The following TMEM144 variants were observed in gnomAD, a reference collection of about 807,000 sequenced individuals.
The protein encoded by TMEM144 is transmembrane protein 144.
Under a neutral mutation model 43.6 loss-of-function variants are expected in TMEM144, and 39 were observed. That is an observed-to-expected ratio of 0.90 (90% CI 0.69 to 1.17). The LOEUF (loss-of-function observed/expected upper bound fraction) is 1.17. Among genes scored for constraint, TMEM144 ranks in the 50% most tolerant of loss-of-function variants. The probability of loss-of-function intolerance (pLI) is 0.00; values close to 1 mark genes in which losing one functional copy is unlikely to be tolerated. For missense variants in TMEM144, 417 were observed against 411.9 expected (o/e 1.01, Z -0.11); for synonymous variants, 154 against 133.6 (o/e 1.15, Z -1.06).
Position 158,240,386 on chromosome 4 carries a change from G to A in TMEM144, c.770G>A (p.Ser257Asn). 6.2e-7 allele frequency: 1 copy of A among 1,613,568 alleles called. No homozygotes were observed. The highest frequency in any genetic ancestry group is 8.5e-7 in the Non-Finnish European group (1 of 1,179,820). ...GCCTACTGCATAGCCATGAAAAATA[G>A]TCCTAAACTATATCCTGAAGCAGTC... Reference protein sequence around the residue: ...FLAYCIAMKNSPKLYPEAVLP... With the variant: ...FLAYCIAMKNNPKLYPEAVLP... Residue 257 changes from serine to asparagine, a missense_variant, in exon 10 of 13, where the codon AGT becomes AAT. By Grantham distance (46) the Ser-to-Asn change is conservative. Transcript: ENST00000296529.
chr4:158,229,314 C>A (rs1003890529), intron 6 of TMEM144, among the ~76,000 whole-genome samples: 1 of 152,154 alleles, frequency 6.6e-6, no homozygotes. Context: ...GGTTTGCTCC[C>A]GCGCTTAGAG....
intron 3 of TMEM144, chr4:158,213,694 T>C (rs1163520183): frequency 6.6e-6 from 1 of 152,226 alleles, no homozygotes; most frequent in East Asian, 1.9e-4. Context: ...AGATTTATGG[T>C]GAACACATGT....
chr4:158,230,459 G>C (rs1271239076), intron 6 of TMEM144, among the ~76,000 whole-genome samples: 1 of 152,060 alleles, frequency 6.6e-6, no homozygotes, highest in African/African-American at 2.4e-5. Flanking sequence ...TAGCTTTCAA[G>C]TGTTTTCTAA....
In TMEM144 at chr4:158,217,338, C is replaced by T. The variant is rs771026324; in HGVS notation, c.250C>T (p.Pro84Ser). 3 of 1,611,618 alleles carry T rather than the reference C, an allele frequency of 1.9e-6. No individual in the cohort carries two copies. Among genetic ancestry groups the T allele is most frequent in the East Asian group, 2.2e-5 (1 of 44,770 alleles). Reference sequence around the variant, plus strand: ...ATCTACAGGGAACATTGCTGTTGTCCCAATTATCAAAACCATTGGTTTAGG... The same window carrying T: ...ATCTACAGGGAACATTGCTGTTGTCTCAATTATCAAAACCATTGGTTTAGG... ...IWATGNIAVV[P>S]IIKTIGLGLG... The change falls in exon 5 of 13, where the codon CCA (proline) becomes TCA (serine). Residue 84 changes from proline to serine, a missense_variant. Physicochemically the swap from Pro to Ser is moderately conservative, Grantham distance 74. Transcript: ENST00000296529.
At chr4:158,229,966 A>G (rs913992574) in intron 6 of TMEM144, among the ~76,000 whole-genome samples, 1 of 152,158 alleles carries the variant, frequency 6.6e-6, no homozygotes, top group Non-Finnish European at 1.5e-5. Context: ...CCCTTCCCCA[A>G]GGAGCTCAGA....
intron 9 of TMEM144, among the ~76,000 whole-genome samples, chr4:158,239,543 C>G (rs1204832999): frequency 6.6e-6 from 1 of 152,208 alleles, no homozygotes; most frequent in African/African-American, 2.4e-5. Context: ...TCATCTGCAA[C>G]AGAGATGCTG....
rs1185585887 is a variant in TMEM144, at chr4:158,215,233, T to G, written c.152T>G (p.Val51Gly). Residue 51 changes from valine to glycine, a missense_variant, in exon 4 of 13, where the codon GTT becomes GGT. Transcript: ENST00000296529. ...GTTCTTTGTGCTGCCATATGGTTGG[T>G]TGCCTTGGTTGTCAATCTGATATTA... ...QWVLCAAIWL[V>G]ALVVNLILHC... 5.6e-6 allele frequency: 9 copies of G among 1,613,912 alleles called. No individual in the cohort carries two copies. The highest frequency in any genetic ancestry group is 7.6e-6 in the Non-Finnish European group (9 of 1,179,808).
intron 6 of TMEM144, among the ~76,000 whole-genome samples, chr4:158,225,268 T>A (rs983843978): frequency 1.3e-5 from 2 of 152,230 alleles, no homozygotes; most frequent in Admixed American, 1.3e-4. Context: ...TAGTCTGGGT[T>A]AAAACTCCAA....
At chr4:158,231,949 A>G (rs1053117237) in intron 6 of TMEM144, among the ~76,000 whole-genome samples, 4 of 152,262 alleles carry the variant, frequency 2.6e-5, no homozygotes, top group Non-Finnish European at 4.4e-5. Context: ...AAGACAGCAT[A>G]TGATAGACAC....
chr4:158,248,134 A>C (rs906099915), intron 12 of TMEM144, among the ~76,000 whole-genome samples: 4 of 151,200 alleles, frequency 2.6e-5, no homozygotes, highest in African/African-American at 7.3e-5. Context: ...AAAAAAAAAA[A>C]AAAAAAAAAA....
chr4:158,226,876 G>A (rs1332267260), intron 6 of TMEM144, among the ~76,000 whole-genome samples: 4 of 151,474 alleles, frequency 2.6e-5, no homozygotes, highest in Admixed American at 6.6e-5. Context: ...CATAAATCCC[G>A]CCCCCCCTTT....
chr4:158,214,448 T>C (rs1330394885), intron 3 of TMEM144, among the ~76,000 whole-genome samples: 1 of 152,244 alleles, frequency 6.6e-6, no homozygotes, highest in Non-Finnish European at 1.5e-5. Flanking sequence ...CATTGAGTTT[T>C]AACTGCCTCA....
At chr4:158,245,662 A>G (rs1735855944) in intron 12 of TMEM144, among the ~76,000 whole-genome samples, 1 of 151,906 alleles carries the variant, frequency 6.6e-6, no homozygotes, top group Admixed American at 6.6e-5. Flanking sequence ...ACAAGTTAGG[A>G]GCAGTGGCTC....
intron 9 of TMEM144, among the ~76,000 whole-genome samples, chr4:158,239,746 C>A (rs1735531793): frequency 2.6e-5 from 4 of 151,980 alleles, no homozygotes; most frequent in Non-Finnish European, 5.9e-5. Context: ...TTTAGCTTTA[C>A]CAGATGATCA....
At chr4:158,215,445 G>GTTAA in intron 4 of TMEM144, 132 bp downstream of exon 4, 1 of 1,125,164 alleles carries the variant, frequency 8.9e-7, no homozygotes, top group Non-Finnish European at 1.2e-6. Context: ...AAATTAACTA[G>GTTAA]TTTCTTGCCT....
rs537550566 is a variant in TMEM144 at position 158,224,098 on chromosome 4, G to A, written c.413+4708G>A. ...ATTGTTTCTCTTTTTTTTAATAATCGCCATTCTGACTGGCCTGAGATGGTA... is the reference window on the plus strand; with the variant it reads ...ATTGTTTCTCTTTTTTTTAATAATCACCATTCTGACTGGCCTGAGATGGTA... On this transcript the variant is annotated intron_variant, in intron 6 of 12. Transcript: ENST00000296529. Among the ~76,000 whole-genome samples the A allele has an allele frequency of 4.6e-5, 7 of 151,710 alleles. No individual in the cohort carries two copies. In the East Asian group the frequency reaches 5.8e-4, roughly 13 times the overall value.
At chr4:158,227,515 T>C (rs1356927001) in intron 6 of TMEM144, among the ~76,000 whole-genome samples, 1 of 152,202 alleles carries the variant, frequency 6.6e-6, no homozygotes, top group Admixed American at 6.5e-5. Context: ...ACACTGTTTT[T>C]TTTCTTAACT....
rs1734497096 is a variant in TMEM144, at chr4:158,221,339, A to C, written c.413+1949A>C. Among the ~76,000 whole-genome samples the C allele has an allele frequency of 2.6e-5, 4 of 152,142 alleles. No individual in the cohort carries two copies. In the South Asian group the frequency reaches 8.3e-4, roughly 31 times the overall value. On this transcript the variant is annotated intron_variant, in intron 6 of 12. Transcript: ENST00000296529. Reference sequence around the variant, plus strand: ...CGACTGCTCCTGCTGAAACTACTGGAGGCACCACCAAAACATAATGTCTTC... The same window carrying C: ...CGACTGCTCCTGCTGAAACTACTGGCGGCACCACCAAAACATAATGTCTTC...
chr4:158,225,158 C>T (rs947741707), intron 6 of TMEM144, among the ~76,000 whole-genome samples: 1 of 152,152 alleles, frequency 6.6e-6, no homozygotes, highest in Admixed American at 6.5e-5. Flanking sequence ...GCTAACAGGG[C>T]CATTGCTGCT....
Sources: allele counts gnomAD v4.1 joint callset (sites outside exome capture counted in the v4.1 genomes callset), GRCh38; gene constraint gnomAD v4.1.1; transcripts MANE v1.5; gene names NCBI Gene and HGNC (gene_info 2026-07-23, HGNC 2026-07-21).